CTNNA1: variants seen among roughly 807,000 people sequenced by gnomAD.
The protein encoded by CTNNA1 is catenin alpha-1.
CTNNA1 carries 37 observed loss-of-function variants against 98.4 expected under a neutral mutation model. The observed-to-expected ratio is 0.38, with a 90% CI of 0.29 to 0.49. CTNNA1 has a LOEUF of 0.49. Ranked by LOEUF, CTNNA1 falls within the 20% of genes least tolerant of loss-of-function variation. The pLI is 0.95. For synonymous variants in CTNNA1, 404 were observed against 413.2 expected, an observed-to-expected ratio of 0.98 and a Z score of 0.27; for missense variants, 761 against 1,147.2, an observed-to-expected ratio of 0.66 and a Z score of 4.86.
intron 7 of CTNNA1, chr5:138,875,443 AT>A: frequency 7.1e-6 from 7 of 985,646 alleles, no homozygotes; most frequent in Non-Finnish European, 8.4e-6. Context: ...ATAAAGCACC[AT>A]GCTTTGTAAC....
At chr5:138,903,846 TTGTC>T (rs1478573662) in intron 9 of CTNNA1, among the ~76,000 whole-genome samples, 2 of 152,124 alleles carry the variant, frequency 1.3e-5, no homozygotes, top group African/African-American at 4.8e-5. Context: ...GTTTGAAAAA[TTGTC>T]TGGTGTTCAA....
intron 10 of CTNNA1, among the ~76,000 whole-genome samples, chr5:138,905,105 A>G (rs964625845): frequency 7.2e-5 from 7 of 97,638 alleles, no homozygotes; most frequent in African/African-American, 3.1e-4. Flanking sequence ...AAAAAAAAAA[A>G]AAAAAAATAC....
intron 8 of CTNNA1, 137 bp downstream of exon 8, chr5:138,886,429 T>G (rs1299643010): frequency 2.0e-5 from 18 of 900,620 alleles, no homozygotes; most frequent in Non-Finnish European, 2.3e-5. Context: ...CCTATCTTTG[T>G]TTTGTTGCTA....
intron 17 of CTNNA1, among the ~76,000 whole-genome samples, 165 bp from the exon 18 acceptor site, chr5:138,933,637 C>T (rs950298640): frequency 6.6e-6 from 1 of 152,164 alleles, no homozygotes; most frequent in Non-Finnish European, 1.5e-5. Context: ...TAAGAGCAGC[C>T]GTTGAGGGTG....
Position 138,904,235 on chromosome 5 carries a change from C to G in CTNNA1, c.1297-114C>G, listed in dbSNP as rs28363459. ...TAATCAGGCTGTGAGAAGGGAGGCACCCTTGGTGCCCTTGTCATCTGTTCC... is the reference window on the plus strand; with the variant it reads ...TAATCAGGCTGTGAGAAGGGAGGCAGCCTTGGTGCCCTTGTCATCTGTTCC... On this transcript the variant is annotated intron_variant, in intron 9 of 17. Coordinates refer to ENST00000302763, the MANE Select transcript of CTNNA1 (RefSeq NM_001903.5). The G allele has an allele frequency of 2.2e-3, 2,837 of 1,312,050 alleles. 49 individuals carry two copies. In the African/African-American group the frequency reaches 0.038, roughly 18 times the overall value. 81.3% of individuals were successfully genotyped at this position (1,312,050 alleles called of 1,614,324 possible). A position where few individuals can be genotyped will look rare whatever the true frequency, so the allele number is the denominator to read the frequency against.
At chr5:138,920,842 C>T (rs879360993) in intron 11 of CTNNA1, among the ~76,000 whole-genome samples, 10 of 152,150 alleles carry the variant, frequency 6.6e-5, no homozygotes, top group Non-Finnish European at 1.5e-4. Context: ...GAAATTCCCT[C>T]ATACTTAGAA....
chr5:138,775,082 GACCACATAT>G (rs375234247), intron 1 of CTNNA1, among the ~76,000 whole-genome samples: 2 of 152,160 alleles, frequency 1.3e-5, no homozygotes, highest in African/African-American at 4.8e-5. Context: ...ACACAAATGT[GACCACATAT>G]ACCTAAATGT....
chr5:138,760,516 C>T (rs757392956), intron 1 of CTNNA1, among the ~76,000 whole-genome samples: 1 of 151,796 alleles, frequency 6.6e-6, no homozygotes, highest in Non-Finnish European at 1.5e-5. Flanking sequence ...AGGTGTGCGC[C>T]ACTACCACCC....
At chr5:138,826,628 G>A (rs1760746009) in intron 6 of CTNNA1, among the ~76,000 whole-genome samples, 1 of 152,146 alleles carries the variant, frequency 6.6e-6, no homozygotes, top group Non-Finnish European at 1.5e-5. Context: ...AATACTAGAG[G>A]TCTTTGAGGA....
rs932298057 is a variant in CTNNA1, at chr5:138,906,185, C to T, written c.1389+1744C>T. Among the ~76,000 whole-genome samples the T allele has an allele frequency of 5.3e-5, 8 of 152,122 alleles. No homozygotes were observed. In the East Asian group the frequency reaches 1.5e-3, roughly 29 times the overall value. Reference sequence around the variant, plus strand: ...TAATTTGCCAATGAGAGTTGCTCTGCCTTAATATTACTGTGATGGACCCAT... The same window carrying T: ...TAATTTGCCAATGAGAGTTGCTCTGTCTTAATATTACTGTGATGGACCCAT... On this transcript the variant is annotated intron_variant, in intron 10 of 17. Transcript: ENST00000302763.
At chr5:138,825,035 G>T (rs1392384088) in intron 6 of CTNNA1, among the ~76,000 whole-genome samples, 2 of 152,032 alleles carry the variant, frequency 1.3e-5, no homozygotes, top group African/African-American at 4.8e-5. Context: ...TATGTAGCTT[G>T]TGTTTCCTAT....
Position 138,873,482 on chromosome 5 carries a change from C to A in CTNNA1, c.1063-12730C>A. 6.2e-7 allele frequency: 1 copy of A among 1,614,018 alleles called. No homozygotes were observed. The highest frequency in any genetic ancestry group is 1.3e-5 in the African/African-American group (1 of 75,040). ...AGTGACAGTGGTTGACAAATTCCAG[C>A]AGAGCTGAAATCCATGGACTGCATC... On this transcript the variant is annotated intron_variant, in intron 7 of 17. Transcript: ENST00000302763. This position sits in a 1 kb window ranked among gnomAD's most constrained non-coding sequence, Gnocchi z 6.1.
intron 7 of CTNNA1, among the ~76,000 whole-genome samples, chr5:138,840,671 T>C (rs922967975): frequency 6.6e-6 from 1 of 151,332 alleles, no homozygotes; most frequent in African/African-American, 2.5e-5. Flanking sequence ...GTGACAAACA[T>C]GTAAAACTAA....
At chr5:138,841,838 A>G (rs1762298589) in intron 7 of CTNNA1, among the ~76,000 whole-genome samples, 2 of 152,220 alleles carry the variant, frequency 1.3e-5, no homozygotes, top group Non-Finnish European at 2.9e-5. Context: ...ATAATCTACC[A>G]AGTTGAATAC....
At chr5:138,823,706 C>G (rs1760285905) in intron 5 of CTNNA1, among the ~76,000 whole-genome samples, 1 of 151,904 alleles carries the variant, frequency 6.6e-6, no homozygotes, top group Non-Finnish European at 1.5e-5. Flanking sequence ...GCCTGTAATC[C>G]CAGCACTTTG....
Position 138,793,012 on chromosome 5 carries a change from A to G in CTNNA1, c.301+9640A>G, listed in dbSNP as rs143332092. 8.4e-4 allele frequency among the ~76,000 whole-genome samples: 128 copies of G among 151,884 alleles called. 1 individual carries two copies. Among genetic ancestry groups the G allele is most frequent in the African/African-American group, 2.9e-3 (122 of 41,386 alleles). On this transcript the variant is annotated intron_variant, in intron 3 of 17. Transcript: ENST00000302763. ...CTTATTTTTGTGGATGTCTCTTTTC[A>G]TGTGATCCCATTGTGGCTTGGTCTT...
Position 138,805,290 on chromosome 5 carries a change from T to A in CTNNA1, c.302-4748T>A, listed in dbSNP as rs559154504. 2.4e-4 allele frequency among the ~76,000 whole-genome samples: 36 copies of A among 152,316 alleles called. No homozygotes were observed. In the South Asian group the frequency reaches 7.3e-3, roughly 31 times the overall value. ...AAACCATATCCACCTAGCAGTGGAA[T>A]TACTGAGTCATATGATAACATTTAA... On this transcript the variant is annotated intron_variant, in intron 3 of 17. Coordinates refer to ENST00000302763, the MANE Select transcript of CTNNA1 (RefSeq NM_001903.5).
At chr5:138,917,100 T>A (rs997936276) in intron 10 of CTNNA1, among the ~76,000 whole-genome samples, 6 of 152,248 alleles carry the variant, frequency 3.9e-5, no homozygotes, top group Admixed American at 3.9e-4. Context: ...CTTAATAGAT[T>A]ATACATTTTT....
Position 138,753,499 on chromosome 5 carries a change from A to G in CTNNA1, c.-14A>G, listed in dbSNP as rs1015435672. ...GGCCTCTGGAATTTAGCGCTCGCCC[A>G]GCTAGCCGCAGGTAACTTCGTACCT... On this transcript the variant is annotated 5_prime_UTR_variant, in exon 1 of 18. Coordinates refer to ENST00000302763, the MANE Select transcript of CTNNA1 (RefSeq NM_001903.5). 1.1e-5 allele frequency: 4 copies of G among 377,782 alleles called. No homozygotes were observed. The highest frequency in any genetic ancestry group is 9.1e-5 in the Admixed American group (2 of 21,906). The allele number at this position is 377,782 out of a possible 1,614,324, so 23.4% of individuals were successfully genotyped here.
Sources: gnomAD v4.1 joint callset for allele counts (sites outside exome capture counted in the v4.1 genomes callset) on GRCh38, gnomAD v4.1.1 for gene constraint, Gnocchi (gnomAD v3.1) non-coding constraint, MANE v1.5 for transcripts, NCBI Gene and HGNC (gene_info 2026-07-23, HGNC 2026-07-21) for gene names.